Variants in POU6F2 observed in about 807,000 individuals in gnomAD.
POU6F2 encodes POU domain, class 6, transcription factor 2.
In POU6F2, 31 loss-of-function variants were observed where a neutral mutation model predicts 71.3. The observed-to-expected ratio is 0.43, with a 90% CI of 0.33 to 0.59. The LOEUF (loss-of-function observed/expected upper bound fraction) is 0.59. Ranked by LOEUF, POU6F2 falls within the 20% of genes least tolerant of loss-of-function variation. The pLI is 0.04. For synonymous variants in POU6F2, 347 were observed against 355.7 expected, an observed-to-expected ratio of 0.98 and a Z score of 0.27; for missense variants, 783 against 856.8, an observed-to-expected ratio of 0.91 and a Z score of 1.07.
intron 5 of POU6F2, among the ~76,000 whole-genome samples, chr7:39,344,318 G>A (rs944475739): frequency 5.9e-5 from 9 of 152,146 alleles, no homozygotes; most frequent in African/African-American, 1.7e-4. Flanking sequence ...AGCGTGAAAT[G>A]TATTCTCAAC....
intron 1 of POU6F2, among the ~76,000 whole-genome samples, chr7:39,012,792 T>C (rs1035437437): frequency 1.2e-4 from 18 of 150,764 alleles, no homozygotes; most frequent in East Asian, 5.9e-4. Context: ...CCGTGTGAGG[T>C]GTCAGTGTGC....
At chr7:39,121,588 T>A (rs1431023944) in intron 2 of POU6F2, among the ~76,000 whole-genome samples, 1 of 152,262 alleles carries the variant, frequency 6.6e-6, no homozygotes, top group Non-Finnish European at 1.5e-5. Flanking sequence ...TTTTCTTTTT[T>A]AATTTATTCT....
chr7:39,396,018 T>G (rs1204248791), intron 5 of POU6F2, among the ~76,000 whole-genome samples: 2 of 152,210 alleles, frequency 1.3e-5, no homozygotes, highest in African/African-American at 4.8e-5. Flanking sequence ...AGGCAATTGG[T>G]AAGAGTAGCA....
intron 5 of POU6F2, among the ~76,000 whole-genome samples, chr7:39,391,623 TC>T (rs1787077038): frequency 6.6e-6 from 1 of 152,064 alleles, no homozygotes; most frequent in Admixed American, 6.6e-5. Flanking sequence ...CTGATGAAAA[TC>T]CCCAGCAGCT....
At chr7:39,063,374 A>C (rs1327851342) in intron 1 of POU6F2, among the ~76,000 whole-genome samples, 1 of 152,134 alleles carries the variant, frequency 6.6e-6, no homozygotes, top group East Asian at 1.9e-4. Flanking sequence ...AGTGAGATGC[A>C]AAAAAAGGAG....
intron 5 of POU6F2, among the ~76,000 whole-genome samples, chr7:39,352,392 G>A (rs1303434263): frequency 1.3e-5 from 2 of 152,142 alleles, no homozygotes; most frequent in African/African-American, 4.8e-5. Context: ...CTCAGTGAGG[G>A]GAGGCGGCAG....
chr7:39,296,809 G>T (rs1428662053), intron 4 of POU6F2, among the ~76,000 whole-genome samples: 2 of 152,196 alleles, frequency 1.3e-5, no homozygotes, highest in African/African-American at 4.8e-5. Flanking sequence ...TCTACACCTG[G>T]TTTTGTTCAC....
intron 3 of POU6F2, among the ~76,000 whole-genome samples, chr7:39,205,614 A>G (rs535615919): frequency 1.2e-3 from 181 of 152,366 alleles, no homozygotes; most frequent in Admixed American, 3.9e-3. Context: ...TCTGAGGGCC[A>G]GCATATAATT....
intron 2 of POU6F2, among the ~76,000 whole-genome samples, chr7:39,107,917 C>T (rs1245850717): frequency 6.6e-6 from 1 of 152,154 alleles, no homozygotes; most frequent in African/African-American, 2.4e-5. Context: ...CTTCCTTTGA[C>T]AAAACCCAAG....
intron 1 of POU6F2, among the ~76,000 whole-genome samples, chr7:39,071,816 A>G (rs1293937715): frequency 6.6e-6 from 1 of 152,164 alleles, no homozygotes; most frequent in Non-Finnish European, 1.5e-5. Context: ...GAGGTTGACT[A>G]TTTTTATATC....
chr7:39,289,092 C>T lies in POU6F2; in HGVS notation c.599-50550C>T, dbSNP rs528616621. 2.0e-5 allele frequency among the ~76,000 whole-genome samples: 3 copies of T among 152,322 alleles called. No individual in the cohort carries two copies. The South Asian group carries it at 6.2e-4, about 32-fold the overall frequency. ...TCTTGAAATATGTTAGGGTAGCACTCACACCTCCCTTTCTGCTTATTTTCC... is the reference window on the plus strand; with the variant it reads ...TCTTGAAATATGTTAGGGTAGCACTTACACCTCCCTTTCTGCTTATTTTCC... On this transcript the variant is annotated intron_variant, in intron 4 of 9. Transcript: ENST00000518318.
chr7:39,419,104 CAT>C (rs368009820), intron 6 of POU6F2, among the ~76,000 whole-genome samples: 2 of 72,890 alleles, frequency 2.7e-5, no homozygotes, highest in Non-Finnish European at 5.6e-5. Context: ...TATATATACA[CAT>C]ATATACGTAT....
At chr7:38,993,805 C>T (rs973034052) in intron 1 of POU6F2, among the ~76,000 whole-genome samples, 5 of 152,090 alleles carry the variant, frequency 3.3e-5, no homozygotes, top group South Asian at 2.1e-4. Flanking sequence ...GTTCTGAGTG[C>T]GTATTTCGGA....
At chr7:39,387,501 A>G (rs1280118895) in intron 5 of POU6F2, among the ~76,000 whole-genome samples, 1 of 152,248 alleles carries the variant, frequency 6.6e-6, no homozygotes, top group Non-Finnish European at 1.5e-5. Flanking sequence ...TCTAACAAAT[A>G]CACTAGTTTT....
chr7:39,419,296 T>C (rs1787796787), intron 6 of POU6F2, among the ~76,000 whole-genome samples: 1 of 151,844 alleles, frequency 6.6e-6, no homozygotes, highest in Non-Finnish European at 1.5e-5. Context: ...TGGAGTACAG[T>C]GTTGCCATCT....
intron 2 of POU6F2, among the ~76,000 whole-genome samples, chr7:39,145,990 G>T (rs941996741): frequency 6.6e-6 from 1 of 152,208 alleles, no homozygotes; most frequent in African/African-American, 2.4e-5. Flanking sequence ...CCTATTGAGT[G>T]CCTGCTATGT....
intron 2 of POU6F2, among the ~76,000 whole-genome samples, chr7:39,201,669 C>A (rs1457403527): frequency 2.6e-5 from 4 of 152,164 alleles, no homozygotes; most frequent in African/African-American, 7.2e-5. Context: ...TTCCTAGGCT[C>A]CTGGTCAGGA....
chr7:39,441,965 G>A (rs1788416478), intron 7 of POU6F2, among the ~76,000 whole-genome samples: 1 of 152,026 alleles, frequency 6.6e-6, no homozygotes, highest in Non-Finnish European at 1.5e-5. Flanking sequence ...GAGAAGGGAA[G>A]AAGAAAGTCC....
At chr7:39,081,428 T>G (rs560973481) in intron 1 of POU6F2, among the ~76,000 whole-genome samples, 1 of 152,248 alleles carries the variant, frequency 6.6e-6, no homozygotes, top group Non-Finnish European at 1.5e-5. Context: ...CTGCTGAGTT[T>G]TCCACATGGG....
Sources: gnomAD v4.1 joint callset for allele counts (sites outside exome capture counted in the v4.1 genomes callset) on GRCh38, gnomAD v4.1.1 for gene constraint, MANE v1.5 for transcripts, NCBI Gene and HGNC (gene_info 2026-07-23, HGNC 2026-07-21) for gene names.